CPEB4: variants seen among roughly 807,000 people sequenced by gnomAD.
The protein encoded by CPEB4 is cytoplasmic polyadenylation element-binding protein 4.
In CPEB4, 12 loss-of-function variants were observed where a neutral mutation model predicts 72.5. The observed-to-expected ratio is 0.17, with a 90% confidence interval of 0.11 to 0.27. The LOEUF (loss-of-function observed/expected upper bound fraction) is 0.27, where lower values mean the gene tolerates loss of function less well. Ranked by LOEUF, CPEB4 falls within the 10% of genes least tolerant of loss-of-function variation. The pLI, the probability that CPEB4 is intolerant of heterozygous loss-of-function variation, is 1.00. For missense variants in CPEB4, 614 were observed against 908.5 expected (o/e 0.68, Z 4.17); for synonymous variants, 302 against 326.3 (o/e 0.93, Z 0.80).
At chr5:173,913,515 T>C (rs1416280523) in intron 2 of CPEB4, among the ~76,000 whole-genome samples, 2 of 152,200 alleles carry the variant, frequency 1.3e-5, no homozygotes, top group Non-Finnish European at 2.9e-5. Context: ...AGTATTCTGA[T>C]ACGATTAACA....
At chr5:173,936,693 C>G (rs1757632670) in intron 3 of CPEB4, among the ~76,000 whole-genome samples, 1 of 152,136 alleles carries the variant, frequency 6.6e-6, no homozygotes, top group African/African-American at 2.4e-5. Flanking sequence ...TCTGGAGTAT[C>G]TTGGCTTAGC....
intron 2 of CPEB4, among the ~76,000 whole-genome samples, chr5:173,925,029 G>A (rs1380204520): frequency 6.6e-6 from 1 of 152,192 alleles, no homozygotes; most frequent in Non-Finnish European, 1.5e-5. Context: ...GTGAGGCCTA[G>A]CAGGGGAACT....
intron 2 of CPEB4, among the ~76,000 whole-genome samples, chr5:173,920,173 C>A (rs1356014376): frequency 6.6e-6 from 1 of 152,144 alleles, no homozygotes; most frequent in Non-Finnish European, 1.5e-5. Context: ...TTGTTTTATT[C>A]TGGGTATTAC....
In CPEB4 at chr5:173,952,538, G is replaced by A. The variant is rs114830032; in HGVS notation, c.1781-553G>A. ...AACATGAACAGGAATGTAGCTGCAC[G>A]ATTTTAACACTTCATAAAGAAGAAA... On this transcript the variant is annotated intron_variant, in intron 8 of 9. Coordinates refer to ENST00000265085, the MANE Select transcript of CPEB4 (RefSeq NM_030627.4). Among the ~76,000 whole-genome samples the A allele has an allele frequency of 6.5e-3, 987 of 152,182 alleles. 8 individuals are homozygous for A. Among genetic ancestry groups the A allele is most frequent in the African/African-American group, 0.023 (955 of 41,516 alleles).
chr5:173,924,696 C>T (rs1427221303), intron 2 of CPEB4, among the ~76,000 whole-genome samples: 3 of 152,182 alleles, frequency 2.0e-5, no homozygotes, highest in Non-Finnish European at 4.4e-5. Flanking sequence ...TGAGGTTCAG[C>T]AAAGCTAAAT....
At chr5:173,937,874 T>A (rs566872206) in intron 3 of CPEB4, among the ~76,000 whole-genome samples, 2 of 152,364 alleles carry the variant, frequency 1.3e-5, no homozygotes, top group East Asian at 3.9e-4. Context: ...TCTTTGAATG[T>A]TGTTGTACCA....
chr5:173,912,001 T>G (rs1756682308), intron 2 of CPEB4, among the ~76,000 whole-genome samples: 1 of 151,846 alleles, frequency 6.6e-6, no homozygotes. Context: ...AGAAAGCTTT[T>G]AGGTTTCTGG....
chr5:173,910,901 C>G (rs1366287607), intron 2 of CPEB4: 1 of 259,462 alleles, frequency 3.9e-6, no homozygotes, highest in Non-Finnish European at 7.3e-6. Context: ...ATATCTCAGG[C>G]AATAACTTCT....
At chr5:173,904,099 AT>A (rs1484234458) in intron 1 of CPEB4, among the ~76,000 whole-genome samples, 1 of 152,174 alleles carries the variant, frequency 6.6e-6, no homozygotes, top group Admixed American at 6.5e-5. Context: ...ATCATTGGTG[AT>A]CTTTTATTTT....
chr5:173,948,666 A>G (rs765778959), intron 5 of CPEB4, among the ~76,000 whole-genome samples: 7 of 152,148 alleles, frequency 4.6e-5, no homozygotes, highest in Non-Finnish European at 8.8e-5. Flanking sequence ...AAAATAACAG[A>G]CTTGGTGGCT....
intron 1 of CPEB4, among the ~76,000 whole-genome samples, chr5:173,897,014 GCTTT>G (rs1756039522): frequency 6.6e-6 from 1 of 152,134 alleles, no homozygotes; most frequent in Non-Finnish European, 1.5e-5. Context: ...TTAAAATATG[GCTTT>G]CTTATATTGA....
At chr5:173,912,919 A>C (rs1203639251) in intron 2 of CPEB4, among the ~76,000 whole-genome samples, 1 of 65,158 alleles carries the variant, frequency 1.5e-5, no homozygotes, top group Admixed American at 1.3e-4. Context: ...ACCCTGTCTC[A>C]AAAAAAAAAA....
intron 2 of CPEB4, among the ~76,000 whole-genome samples, chr5:173,919,802 T>C (rs758314980): frequency 2.6e-5 from 4 of 152,184 alleles, no homozygotes; most frequent in Admixed American, 6.5e-5. Flanking sequence ...CACAGAATTA[T>C]TACTTCCCAA....
At chr5:173,903,898 A>G (rs1418441585) in intron 1 of CPEB4, among the ~76,000 whole-genome samples, 2 of 152,206 alleles carry the variant, frequency 1.3e-5, no homozygotes, top group Admixed American at 1.3e-4. Flanking sequence ...GCTTATTTTT[A>G]TCAACTTTGA....
In CPEB4 at chr5:173,889,899, G is replaced by T. The variant is rs1437226828; in HGVS notation, c.166G>T (p.Ala56Ser). The T allele has an allele frequency of 6.2e-7, 1 of 1,614,020 alleles. No homozygotes were observed. Among genetic ancestry groups the T allele is most frequent in the Admixed American group, 1.7e-5 (1 of 60,002 alleles). Reference protein sequence around the residue: ...NNNTAANGSSAGSAWLFPAPA... With the variant: ...NNNTAANGSSSGSAWLFPAPA... ...TAACACAGCTGCCAATGGCAGCAGTGCTGGGTCAGCTTGGCTTTTTCCTGC... is the reference window on the plus strand; with the variant it reads ...TAACACAGCTGCCAATGGCAGCAGTTCTGGGTCAGCTTGGCTTTTTCCTGC... The change falls in exon 1 of 10, where the codon GCT (alanine) becomes TCT (serine). Residue 56 changes from alanine to serine, a missense_variant. Physicochemically the swap from Ala to Ser is moderately conservative, Grantham distance 99 (BLOSUM62 1). This residue lies in a region of CPEB4 where 458 missense variants were observed against 548.6 expected (regional missense o/e 0.83). Transcript: ENST00000265085.
intron 1 of CPEB4, among the ~76,000 whole-genome samples, chr5:173,894,396 G>A (rs1172741457): frequency 1.3e-5 from 2 of 151,940 alleles, no homozygotes; most frequent in African/African-American, 2.4e-5. Context: ...TGAAGTGGGC[G>A]GATCACTTGA....
At position 173,958,622 on chromosome 5, in the gene CPEB4, T is replaced by C. The variant is rs1042004924; in HGVS notation, c.*2485T>C. The C allele has an allele frequency of 6.6e-6, 1 of 152,568 alleles. No individual in the cohort carries two copies. The highest frequency in any genetic ancestry group is 2.4e-5 in the African/African-American group (1 of 41,502). 9.5% of individuals were successfully genotyped at this position (152,568 alleles called of 1,614,324 possible). A position where few individuals can be genotyped will look rare whatever the true frequency, so the allele number is the denominator to read the frequency against. ...ATTGGTGTACCTATAATTTAAGAAA[T>C]AGTCTATGTAAAGTCACAAATTAAT... On this transcript the variant is annotated 3_prime_UTR_variant, in exon 10 of 10. Transcript: ENST00000265085.
Position 173,932,436 on chromosome 5 carries a change from T to C in CPEB4, c.1208-14T>C. The C allele has an allele frequency of 6.2e-7, 1 of 1,606,964 alleles. No homozygotes were observed. The highest frequency in any genetic ancestry group is 8.5e-7 in the Non-Finnish European group (1 of 1,175,888). The stretch of plus-strand genomic sequence containing the variant: ...AAAAAAGTAAACTTAGTAACGGCCT[T>C]CTTTTACCTTCAGGTCGTCTAAACT... On this transcript the variant is annotated splice_polypyrimidine_tract_variant and intron_variant, in intron 2 of 9. Transcript: ENST00000265085.
intron 1 of CPEB4, among the ~76,000 whole-genome samples, chr5:173,906,328 A>G (rs749458007): frequency 6.6e-6 from 1 of 152,112 alleles, no homozygotes; most frequent in Non-Finnish European, 1.5e-5. Context: ...ATTTTTTTAA[A>G]TTAGTTGTTA....
Sources: gnomAD v4.1 joint callset for allele counts (sites outside exome capture counted in the v4.1 genomes callset) on GRCh38, gnomAD v4.1.1 for gene constraint, gnomAD v4.1.1 regional missense constraint, MANE v1.5 for transcripts, NCBI Gene and HGNC (gene_info 2026-07-23, HGNC 2026-07-21) for gene names.